The following RP1 variants were observed in gnomAD, a reference collection of about 807,000 sequenced individuals.
RP1 encodes RP1 axonemal microtubule associated.
Under a neutral mutation model 14.8 loss-of-function variants are expected in RP1, and 16 were observed. The ratio of observed to expected loss-of-function variants is 1.08; its 90% CI spans 0.73 to 1.65. RP1 has a LOEUF of 1.65. Ranked by LOEUF, RP1 falls within the 40% of genes most tolerant of loss-of-function variation. The pLI, the probability that RP1 is intolerant of heterozygous loss-of-function variation, is 0.00. For synonymous variants in RP1, 876 were observed against 883.6 expected (o/e 0.99, Z 0.15); for missense variants, 2,631 against 2,535.0 (o/e 1.04, Z -0.81).
intron 1 of RP1, among the ~76,000 whole-genome samples, chr8:54,565,839 C>G (rs1420995252): frequency 6.6e-6 from 1 of 152,198 alleles, no homozygotes; most frequent in East Asian, 1.9e-4. Context: ...GACTGTCTCA[C>G]AGTCTGGAGG....
chr8:54,618,748 T>A (rs149230571), intron 1 of RP1, among the ~76,000 whole-genome samples: 19 of 152,252 alleles, frequency 1.2e-4, no homozygotes, highest in African/African-American at 4.6e-4. Flanking sequence ...ATCTGCCTCC[T>A]GGGTTCAAGC....
At chr8:54,857,717 T>C (rs7015114) in intron 27 of RP1, among the ~76,000 whole-genome samples, 61,760 of 151,788 alleles carry the variant, frequency 0.41, 12,834 homozygotes, top group East Asian at 0.66. Context: ...GTTGTGTCTG[T>C]CCCTGTGTTT....
Position 54,630,815 on chromosome 8 carries a change from C to A in RP1, c.*462C>A. On this transcript the variant is annotated 3_prime_UTR_variant, in exon 4 of 4. Transcript: ENST00000220676. ...AAAAAGTATGATTATAAGATATCCA[C>A]GACAATCTCATAGTTTCTTGTGCCA... 6.0e-6 allele frequency: 6 copies of A among 997,746 alleles called. No homozygotes were observed. The highest frequency in any genetic ancestry group is 6.0e-6 in the Non-Finnish European group (5 of 837,564). The allele number at this position is 997,746 out of a possible 1,614,324, so 61.8% of individuals were successfully genotyped here. A position where few individuals can be genotyped will look rare whatever the true frequency, so the allele number is the denominator to read the frequency against.
At chr8:54,843,259 T>C (rs996014610) in intron 25 of RP1, among the ~76,000 whole-genome samples, 7 of 152,192 alleles carry the variant, frequency 4.6e-5, no homozygotes, top group African/African-American at 1.4e-4. Flanking sequence ...TTTACGTATT[T>C]TTAGTAGAGA....
chr8:54,840,309 G>A (rs2129404217), intron 25 of RP1, among the ~76,000 whole-genome samples: 1 of 152,082 alleles, frequency 6.6e-6, no homozygotes, highest in Admixed American at 6.5e-5. Flanking sequence ...CTGGAGTGCA[G>A]TGGCATGATC....
intron 24 of RP1, among the ~76,000 whole-genome samples, chr8:54,815,971 C>T (rs1195355720): frequency 1.3e-5 from 2 of 152,060 alleles, no homozygotes; most frequent in African/African-American, 4.8e-5. Context: ...CTGATGTATC[C>T]CAGTTTGACT....
chr8:54,857,511 AC>A (rs930313039), intron 27 of RP1, among the ~76,000 whole-genome samples: 6 of 151,576 alleles, frequency 4.0e-5, no homozygotes, highest in African/African-American at 1.5e-4. Flanking sequence ...TAAATTATAT[AC>A]ATTTACATTA....
At position 54,782,783 on chromosome 8, in the gene RP1, A is replaced by G. The variant is rs145152791; in HGVS notation, c.3452-764A>G. Among the ~76,000 whole-genome samples, 680 of 152,294 alleles carry G rather than the reference A, an allele frequency of 4.5e-3. 5 individuals are homozygous for G. The highest frequency in any genetic ancestry group is 0.015 in the African/African-American group (642 of 41,574). On this transcript the variant is annotated intron_variant, in intron 23 of 28. Transcript: ENST00000637698. ...TGTCTTTCTAACTAAACCAATCATA[A>G]AACAACTCATAGATCTTTTTAAGTT... is the stretch of plus-strand genomic sequence containing the variant.
intron 1 of RP1, among the ~76,000 whole-genome samples, chr8:54,589,780 TG>T (rs1805005404): frequency 6.6e-6 from 1 of 152,230 alleles, no homozygotes; most frequent in African/African-American, 2.4e-5. Context: ...GGAATTCTAA[TG>T]GTCTTTTGGT....
chr8:54,758,922 A>G, exon 22 of RP1: 2 of 1,535,274 alleles, frequency 1.3e-6, no homozygotes, highest in Non-Finnish European at 1.7e-6. Context: ...CCTGCACCAG[A>G]TTGATAAATT....
Position 54,625,162 on chromosome 8 carries a change from A to G in RP1, c.1280A>G (p.Asn427Ser). 1.1e-5 allele frequency: 18 copies of G among 1,614,174 alleles called. No homozygotes were observed. The highest frequency in any genetic ancestry group is 1.5e-5 in the Non-Finnish European group (18 of 1,180,030). ...ACTTGCAGTTCTGCTAGTTGGGAGAATGCTACTGTGGACACAGATATCATC... is the reference window on the plus strand; with the variant it reads ...ACTTGCAGTTCTGCTAGTTGGGAGAGTGCTACTGTGGACACAGATATCATC... ...AETCSSASWE[N>S]ATVDTDIIQG... Residue 427 changes from asparagine (N) to serine (S), a missense_variant, in exon 4 of 4, where the codon AAT (asparagine) becomes AGT (serine). Asn to Ser is a conservative substitution (Grantham distance 46, BLOSUM62 1). Coordinates refer to ENST00000220676, the MANE Select transcript of RP1 (RefSeq NM_006269.2).
Position 54,621,080 on chromosome 8 carries a change from C to G in RP1, c.114C>G (p.Ile38Met). Residue 38 changes from isoleucine to methionine, a missense_variant, in exon 2 of 4, where the codon ATC becomes ATG. Transcript: ENST00000220676. Reference sequence around the variant, plus strand: ...CTCATCCTGTTGTGGCCAAGCGAATCAGTTTCTACAAGAGCGGAGACCCCC... The same window carrying G: ...CTCATCCTGTTGTGGCCAAGCGAATGAGTTTCTACAAGAGCGGAGACCCCC... ...SLTHPVVAKR[I>M]SFYKSGDPQF... is the part of the protein sequence containing the mutation. 6.2e-7 allele frequency: 1 copy of G among 1,614,190 alleles called. No individual in the cohort carries two copies. Among genetic ancestry groups the G allele is most frequent in the Non-Finnish European group, 8.5e-7 (1 of 1,180,028 alleles).
At chr8:54,822,424 A>G (rs538428527) in intron 24 of RP1, among the ~76,000 whole-genome samples, 1 of 152,320 alleles carries the variant, frequency 6.6e-6, no homozygotes, top group South Asian at 2.1e-4. Flanking sequence ...TGAAAGAAAG[A>G]AATTAGAAAA....
At chr8:54,772,257 G>A (rs1809927520), downstream of RP1, among the ~76,000 whole-genome samples, 1 of 151,976 alleles carries the variant, frequency 6.6e-6, no homozygotes, top group South Asian at 2.1e-4. Context: ...ATCCATTGCT[G>A]GATTGAGTTT....
At chr8:54,746,883 T>C (rs1453864027) in intron 19 of RP1, among the ~76,000 whole-genome samples, 2 of 152,230 alleles carry the variant, frequency 1.3e-5, no homozygotes, top group African/African-American at 2.4e-5. Context: ...TCAGACCTTT[T>C]TGATTCCCTC....
chr8:54,578,448 T>C lies in RP1; in HGVS notation c.-13+19128T>C, dbSNP rs184819558. Reference sequence around the variant, plus strand: ...GTCTTGAACTCTTGGCCTCAAGTGATCCTCCCTCCTCAGCCTCCCAAAGTG... The same window carrying C: ...GTCTTGAACTCTTGGCCTCAAGTGACCCTCCCTCCTCAGCCTCCCAAAGTG... On this transcript the variant is annotated intron_variant, in intron 1 of 22. Coordinates refer to the RP1 transcript ENST00000636932. 1.5e-4 allele frequency among the ~76,000 whole-genome samples: 23 copies of C among 152,108 alleles called. No homozygotes were observed. In the East Asian group the frequency reaches 4.1e-3, roughly 27 times the overall value.
At chr8:54,649,277 G>A (rs1806610468) in intron 4 of RP1, 1 of 730,990 alleles carries the variant, frequency 1.4e-6, no homozygotes, top group Non-Finnish European at 1.9e-6. Context: ...AATAATTTAT[G>A]GAAGTTTTTG....
chr8:54,693,711 A>G (rs776495474), intron 12 of RP1, among the ~76,000 whole-genome samples: 1 of 152,154 alleles, frequency 6.6e-6, no homozygotes, highest in Non-Finnish European at 1.5e-5. Context: ...GCTTCAGGAA[A>G]TTTTTGGCTG....
intron 16 of RP1, among the ~76,000 whole-genome samples, chr8:54,722,455 A>G (rs2129351234): frequency 6.6e-6 from 1 of 152,048 alleles, no homozygotes; most frequent in African/African-American, 2.4e-5. Flanking sequence ...TATTTTTCGT[A>G]CAGACGGGGT....
Sources: gnomAD v4.1 joint callset for allele counts (sites outside exome capture counted in the v4.1 genomes callset) on GRCh38, gnomAD v4.1.1 for gene constraint, MANE v1.5 for transcripts, NCBI Gene and HGNC (gene_info 2026-07-23, HGNC 2026-07-21) for gene names.